Variants in HTR7 observed in about 807,000 individuals in gnomAD.
HTR7 encodes the protein 5-hydroxytryptamine receptor 7, also known as 5-HT-7.
A neutral mutation model predicts 34.0 loss-of-function variants in HTR7; 16 were observed. The observed-to-expected ratio is 0.47, with a 90% confidence interval of 0.32 to 0.71. The LOEUF (loss-of-function observed/expected upper bound fraction) is 0.71. Among genes scored for constraint, HTR7 ranks in the 30% least tolerant of loss-of-function variants. The pLI, the probability that HTR7 is intolerant of heterozygous loss-of-function variation, is 0.04. For missense variants in HTR7, 504 were observed against 625.5 expected (o/e 0.81, Z 2.07); for synonymous variants, 265 against 260.2 (o/e 1.02, Z -0.18).
chr10:90,819,021 G>A (rs1845939069), intron 1 of HTR7, among the ~76,000 whole-genome samples: 1 of 152,092 alleles, frequency 6.6e-6, no homozygotes, highest in South Asian at 2.1e-4. Flanking sequence ...CATGCATCCT[G>A]TACAGCCTGT....
chr10:90,743,555 A>G, intron 3 of HTR7, 38 bp downstream of exon 3: 1 of 1,483,994 alleles, frequency 6.7e-7, no homozygotes, highest in Non-Finnish European at 9.4e-7. Context: ...TCCAGACCAC[A>G]GCACTATCTC....
At chr10:90,769,716 T>C (rs1011484269) in intron 1 of HTR7, among the ~76,000 whole-genome samples, 4 of 152,220 alleles carry the variant, frequency 2.6e-5, no homozygotes, top group Admixed American at 2.6e-4. Context: ...AAATCAATTA[T>C]ATATTCCAAC....
At chr10:90,795,679 T>A (rs1477235746) in intron 1 of HTR7, among the ~76,000 whole-genome samples, 1 of 152,196 alleles carries the variant, frequency 6.6e-6, no homozygotes, top group Non-Finnish European at 1.5e-5. Context: ...TAAAAATACA[T>A]CCATGACACA....
intron 1 of HTR7, among the ~76,000 whole-genome samples, chr10:90,834,025 A>G (rs1846216947): frequency 6.6e-6 from 1 of 152,222 alleles, no homozygotes; most frequent in South Asian, 2.1e-4. Flanking sequence ...AAGAAATTAC[A>G]AGGATAGGTA....
intron 1 of HTR7, among the ~76,000 whole-genome samples, chr10:90,775,432 G>T (rs1430732557): frequency 6.6e-6 from 1 of 152,106 alleles, no homozygotes; most frequent in Non-Finnish European, 1.5e-5. Context: ...TTGAGGAAGA[G>T]AATCCTACAT....
At chr10:90,850,166 C>T (rs1035174698) in intron 1 of HTR7, among the ~76,000 whole-genome samples, 10 of 152,240 alleles carry the variant, frequency 6.6e-5, no homozygotes, top group African/African-American at 2.4e-4. Context: ...TCCCTCAAAA[C>T]ATTTGCTGAA....
chr10:90,784,111 C>T (rs1489298922), intron 1 of HTR7, among the ~76,000 whole-genome samples: 1 of 152,182 alleles, frequency 6.6e-6, no homozygotes, highest in African/African-American at 2.4e-5. Context: ...TCACAAAATA[C>T]ACCACATACA....
At chr10:90,750,935 T>TG (rs774379517) in intron 1 of HTR7, among the ~76,000 whole-genome samples, 1 of 152,180 alleles carries the variant, frequency 6.6e-6, no homozygotes, top group Non-Finnish European at 1.5e-5. Flanking sequence ...TTCCAGGTGT[T>TG]GGGGATAGGA....
Position 90,749,622 on chromosome 10 carries a change from T to G in HTR7, c.540-28A>C, listed in dbSNP as rs758591184. 2.5e-6 allele frequency: 4 copies of G among 1,575,406 alleles called. No homozygotes were observed. The African/African-American group carries it at 5.4e-5, about 21-fold the overall frequency. On this transcript the variant is annotated intron_variant, in intron 1 of 3. Coordinates refer to ENST00000336152, the MANE Select transcript of HTR7 (RefSeq NM_019859.4). This position sits in a 1 kb window ranked among gnomAD's most constrained non-coding sequence, Gnocchi z 4.2. ...AGTGGAGAGATGGAAAGATAACAGA[T>G]GAACACCGTGATCATAACTGGTCAA...
At chr10:90,833,717 G>A (rs1589474211) in intron 1 of HTR7, among the ~76,000 whole-genome samples, 1 of 152,102 alleles carries the variant, frequency 6.6e-6, no homozygotes, top group Admixed American at 6.5e-5. Flanking sequence ...AATAATCATG[G>A]ATTTTAGTGA....
chr10:90,795,939 G>T (rs1007691028), intron 1 of HTR7, among the ~76,000 whole-genome samples: 3 of 152,164 alleles, frequency 2.0e-5, no homozygotes, highest in African/African-American at 7.2e-5. Flanking sequence ...GAACGTCTGG[G>T]TTATCATAAG....
At chr10:90,763,512 A>G (rs562508098) in intron 1 of HTR7, among the ~76,000 whole-genome samples, 1 of 152,142 alleles carries the variant, frequency 6.6e-6, no homozygotes, top group Non-Finnish European at 1.5e-5. Context: ...GGTTTGTTAC[A>G]TACGTATACA....
chr10:90,783,610 T>G (rs972792105), intron 1 of HTR7, among the ~76,000 whole-genome samples: 6 of 152,164 alleles, frequency 3.9e-5, no homozygotes, highest in African/African-American at 1.2e-4. Context: ...TATCCAGGCT[T>G]TTTAGTGTTT....
chr10:90,857,565 C>A lies in HTR7; in HGVS notation c.107G>T (p.Gly36Val). 6.3e-7 allele frequency: 1 copy of A among 1,595,864 alleles called. No individual in the cohort carries two copies. Among genetic ancestry groups the A allele is most frequent in the Non-Finnish European group, 8.5e-7 (1 of 1,172,570 alleles). Residue 36 changes from glycine (G) to valine (V), a missense_variant, in exon 1 of 4, where the codon GGC (glycine) becomes GTC (valine). Physicochemically the swap from Gly to Val is moderately radical, Grantham distance 109. Coordinates refer to ENST00000336152, the MANE Select transcript of HTR7 (RefSeq NM_019859.4). The surrounding 1 kb of genome is among the most constrained non-coding windows in gnomAD (Gnocchi z 6.5). ...RGLPDLSPDG[G>V]ADPVAGSWAP... ...CCAGGAGCCCGCGACCGGGTCGGCG[C>A]CACCGTCGGGGCTCAAGTCGGGCAG...
intron 1 of HTR7, among the ~76,000 whole-genome samples, chr10:90,778,235 C>T (rs79806003): frequency 8.5e-5 from 13 of 152,094 alleles, no homozygotes; most frequent in South Asian, 2.1e-4. Context: ...TTGAAAGGTC[C>T]GGCCTTTAAG....
chr10:90,810,899 G>A (rs963108516), intron 1 of HTR7, among the ~76,000 whole-genome samples: 8 of 152,264 alleles, frequency 5.3e-5, no homozygotes, highest in African/African-American at 7.2e-5. Context: ...TCTGCCGATC[G>A]TGTCTGACTG....
chr10:90,794,472 A>G (rs916807729), intron 1 of HTR7, among the ~76,000 whole-genome samples: 3 of 152,174 alleles, frequency 2.0e-5, no homozygotes, highest in Admixed American at 1.3e-4. Context: ...TGTACTATAC[A>G]TAATTTTTAT....
At chr10:90,753,221 T>C (rs538106059) in intron 1 of HTR7, among the ~76,000 whole-genome samples, 8 of 152,088 alleles carry the variant, frequency 5.3e-5, no homozygotes, top group South Asian at 2.1e-4. Context: ...ATTTAAGCAA[T>C]TGATCAAAGA....
At chr10:90,813,137 C>T (rs1164288688) in intron 1 of HTR7, among the ~76,000 whole-genome samples, 4 of 152,114 alleles carry the variant, frequency 2.6e-5, no homozygotes, top group Non-Finnish European at 5.9e-5. Flanking sequence ...ATAAAACGGC[C>T]CCACCCCTAT....
Sources: gnomAD v4.1 joint callset for allele counts (sites outside exome capture counted in the v4.1 genomes callset) on GRCh38, gnomAD v4.1.1 for gene constraint, Gnocchi (gnomAD v3.1) non-coding constraint, MANE v1.5 for transcripts, NCBI Gene and HGNC (gene_info 2026-07-23, HGNC 2026-07-21) for gene names.